The following PTK2 variants were observed in gnomAD, a reference collection of about 807,000 sequenced individuals.
PTK2 encodes focal adhesion kinase 1.
PTK2 carries 45 observed loss-of-function variants against 150.1 expected under a neutral mutation model. The ratio of observed to expected loss-of-function variants is 0.30; its 90% confidence interval spans 0.24 to 0.38. PTK2 has a LOEUF of 0.38. PTK2 is among the 10% of genes least tolerant of loss of function. The probability of loss-of-function intolerance (pLI) is 1.00; values close to 1 mark genes in which losing one functional copy is unlikely to be tolerated. For missense variants in PTK2, 919 were observed against 1,307.3 expected (o/e 0.70, Z 4.58); for synonymous variants, 432 against 449.2 (o/e 0.96, Z 0.48).
At chr8:140,923,663 A>G (rs2100168369) in intron 2 of PTK2, among the ~76,000 whole-genome samples, 1 of 152,242 alleles carries the variant, frequency 6.6e-6, no homozygotes, top group South Asian at 2.1e-4. Context: ...TTATTTATGA[A>G]TTCTACATAC....
At chr8:140,692,502 A>G (rs1355975154) in intron 26 of PTK2, among the ~76,000 whole-genome samples, 2 of 152,226 alleles carry the variant, frequency 1.3e-5, no homozygotes, top group Non-Finnish European at 2.9e-5. Flanking sequence ...CTGCAGTCCC[A>G]GCTAGTCGGG....
intron 16 of PTK2, among the ~76,000 whole-genome samples, chr8:140,759,663 C>T (rs921982116): frequency 6.6e-6 from 1 of 151,126 alleles, no homozygotes; most frequent in Non-Finnish European, 1.5e-5. Flanking sequence ...TTGAGACTAG[C>T]TTGGAAAATG....
At chr8:140,676,352 G>A (rs2100013629) in intron 27 of PTK2, among the ~76,000 whole-genome samples, 1 of 151,308 alleles carries the variant, frequency 6.6e-6, no homozygotes, top group African/African-American at 2.4e-5. Context: ...CTCCAGCCTG[G>A]GCAACAGAGC....
chr8:140,739,968 T>A (rs1565415383), intron 20 of PTK2, among the ~76,000 whole-genome samples: 1 of 151,796 alleles, frequency 6.6e-6, no homozygotes, highest in Non-Finnish European at 1.5e-5. Flanking sequence ...ACAAACATGT[T>A]AGCCACTAGG....
intron 22 of PTK2, chr8:140,718,506 C>T (rs2100041030): frequency 6.6e-6 from 1 of 152,200 alleles, no homozygotes; most frequent in South Asian, 2.1e-4. Flanking sequence ...GTTTGAAACC[C>T]TCGTCCTAAC....
At chr8:140,678,917 C>CTT (rs146212752) in intron 27 of PTK2, among the ~76,000 whole-genome samples, 12 of 145,118 alleles carry the variant, frequency 8.3e-5, no homozygotes, top group Admixed American at 4.2e-4. Flanking sequence ...AATCCATGCC[C>CTT]TTTTTTTTTT....
intron 2 of PTK2, among the ~76,000 whole-genome samples, chr8:140,904,812 G>T (rs1016506605): frequency 1.3e-5 from 2 of 152,102 alleles, no homozygotes; most frequent in Non-Finnish European, 2.9e-5. Flanking sequence ...TTTTCTAATG[G>T]TAGTTTGTAT....
intron 22 of PTK2, among the ~76,000 whole-genome samples, chr8:140,732,012 G>A (rs572028759): frequency 1.9e-4 from 29 of 152,136 alleles, no homozygotes; most frequent in Admixed American, 9.2e-4. Context: ...GAATTCTTTC[G>A]AGGTCAAGAA....
intron 1 of PTK2, among the ~76,000 whole-genome samples, chr8:140,960,552 AC>A (rs1201984354): frequency 1.3e-5 from 2 of 152,134 alleles, no homozygotes; most frequent in Non-Finnish European, 2.9e-5. Flanking sequence ...GGCAAGATAA[AC>A]TAGGATGAAT....
chr8:140,907,928 C>T (rs1279320099), intron 2 of PTK2, among the ~76,000 whole-genome samples: 2 of 120,256 alleles, frequency 1.7e-5, no homozygotes, highest in South Asian at 5.3e-4. Flanking sequence ...AATAACCCTA[C>T]AATGGCCTCT....
intron 8 of PTK2, among the ~76,000 whole-genome samples, chr8:140,820,432 A>T (rs1156695175): frequency 2.0e-5 from 3 of 152,036 alleles, no homozygotes; most frequent in African/African-American, 7.2e-5. Flanking sequence ...TACTCTGGCC[A>T]CTGTGTTGTG....
intron 22 of PTK2, among the ~76,000 whole-genome samples, chr8:140,724,212 A>G (rs1272566328): frequency 6.6e-6 from 1 of 152,236 alleles, no homozygotes; most frequent in East Asian, 1.9e-4. Flanking sequence ...TGTCATTTAC[A>G]AGTAAAAATC....
At chr8:140,751,730 G>A (rs540936871) in intron 17 of PTK2, among the ~76,000 whole-genome samples, 1 of 152,170 alleles carries the variant, frequency 6.6e-6, no homozygotes, top group Non-Finnish European at 1.5e-5. Flanking sequence ...GACCTCAGGT[G>A]ATCTGCCTGC....
At chr8:140,751,486 TTTTC>T (rs1186866847) in intron 17 of PTK2, among the ~76,000 whole-genome samples, 19 of 151,590 alleles carry the variant, frequency 1.3e-4, no homozygotes, top group African/African-American at 1.5e-4. Context: ...GATTTGTTCT[TTTTC>T]TTTCTTTCTT....
chr8:140,912,725 C>T (rs1024138614), intron 2 of PTK2, among the ~76,000 whole-genome samples: 1 of 152,058 alleles, frequency 6.6e-6, no homozygotes, highest in Non-Finnish European at 1.5e-5. Context: ...CTTTGGGAGG[C>T]CGAGGCGGGC....
At chr8:140,924,840 G>A (rs931361420) in intron 2 of PTK2, among the ~76,000 whole-genome samples, 2 of 152,018 alleles carry the variant, frequency 1.3e-5, no homozygotes, top group East Asian at 1.9e-4. Flanking sequence ...AACTTTCACC[G>A]CAAATTTTAA....
At chr8:140,982,066 A>T (rs1267435145) in intron 1 of PTK2, among the ~76,000 whole-genome samples, 1 of 19,730 alleles carries the variant, frequency 5.1e-5, no homozygotes, top group African/African-American at 8.1e-5. Context: ...CAACTCAATA[A>T]AAAAAAAAAA....
At chr8:140,927,272 A>C (rs1336084722) in intron 1 of PTK2, 1 of 152,250 alleles carries the variant, frequency 6.6e-6, no homozygotes, top group East Asian at 1.9e-4. Context: ...GTATATACAC[A>C]CATGCAACTT....
chr8:140,743,257 A>G (rs1288479656), exon 20 of PTK2: 1 of 1,610,392 alleles, frequency 6.2e-7, no homozygotes, highest in Admixed American at 1.7e-5. Context: ...TCTTCCATAT[A>G]TCGGGATAAT....
Sources: gnomAD v4.1 joint callset for allele counts (sites outside exome capture counted in the v4.1 genomes callset) on GRCh38, gnomAD v4.1.1 for gene constraint, MANE v1.5 for transcripts, NCBI Gene and HGNC (gene_info 2026-07-23, HGNC 2026-07-21) for gene names.